COCH: variants seen among roughly 807,000 people sequenced by gnomAD.
COCH encodes coagulation factor C homolog, cochlin (Limulus polyphemus).
In COCH, 40 loss-of-function variants were observed where a neutral mutation model predicts 54.8. The ratio of observed to expected loss-of-function variants is 0.73; its 90% CI spans 0.57 to 0.95. COCH has a LOEUF of 0.95. COCH is among the 40% of genes least tolerant of loss of function. The pLI is 0.00. For missense variants in COCH, 605 were observed against 675.0 expected (o/e 0.90, Z 1.15); for synonymous variants, 256 against 237.9 (o/e 1.08, Z -0.70).
chr14:30,888,291 A>T (rs1895860919), intron 11 of COCH, among the ~76,000 whole-genome samples: 1 of 151,862 alleles, frequency 6.6e-6, no homozygotes, highest in Non-Finnish European at 1.5e-5. Context: ...AGGAGACTGG[A>T]ACAATTGGAC....
intron 6 of COCH, among the ~76,000 whole-genome samples, chr14:30,879,836 T>C (rs1301591565): frequency 1.3e-5 from 2 of 150,582 alleles, no homozygotes; most frequent in Non-Finnish European, 3.0e-5. Flanking sequence ...ATTTTTTTTA[T>C]TTTTATTTTT....
Position 30,877,850 on chromosome 14 carries a change from A to G in COCH, c.239+122A>G. 6.6e-7 allele frequency: 1 copy of G among 1,509,990 alleles called. No homozygotes were observed. Among genetic ancestry groups the G allele is most frequent in the South Asian group, 1.2e-5 (1 of 84,472 alleles). The allele number at this position is 1,509,990 out of a possible 1,614,324, so 93.5% of individuals were successfully genotyped here. On this transcript the variant is annotated intron_variant, in intron 4 of 11. Transcript: ENST00000396618. This position sits in a 1 kb window ranked among gnomAD's most constrained non-coding sequence, Gnocchi z 8.6. ...CTTTTGTTGCCATTGTGGCCACAGA[A>G]AATGGATATATTTTCACGGTTCTCC...
rs371554692 is a variant in COCH at position 30,890,381 on chromosome 14, A to G, written c.*590A>G. The G allele has an allele frequency of 2.0e-6, 2 of 985,312 alleles. No individual in the cohort carries two copies. The highest frequency in any genetic ancestry group is 2.4e-6 in the Non-Finnish European group (2 of 829,812). 61.0% of individuals were successfully genotyped at this position (985,312 alleles called of 1,614,324 possible). On this transcript the variant is annotated 3_prime_UTR_variant, in exon 12 of 12. Transcript: ENST00000396618. The stretch of plus-strand genomic sequence containing the variant: ...TTCATAACAACTTATGACTAAAAAT[A>G]TCACACTGAATAAGAGAGCAGGATT...
rs143098658 is a variant in COCH, at chr14:30,877,607, G to A, written c.118G>A (p.Asp40Asn). The change falls in exon 4 of 12, where the codon GAC becomes AAC. Residue 40 changes from aspartate (D) to asparagine (N), a missense_variant. Transcript: ENST00000396618. This position sits in a 1 kb window ranked among gnomAD's most constrained non-coding sequence, Gnocchi z 8.6. Reference sequence around the variant, plus strand: ...TATCACATGTTTTACCAGAGGCTTGGACATCAGGAAAGAGAAAGCAGATGT... The same window carrying A: ...TATCACATGTTTTACCAGAGGCTTGAACATCAGGAAAGAGAAAGCAGATGT... ...IAITCFTRGL[D>N]IRKEKADVLC... 1.8e-5 allele frequency: 29 copies of A among 1,614,050 alleles called. No individual in the cohort carries two copies. The Admixed American group carries it at 3.0e-4, about 17-fold the overall frequency.
rs949840686 is a variant in COCH, at chr14:30,877,506, G to T, written c.83-66G>T. 7 of 1,588,400 alleles carry T rather than the reference G, an allele frequency of 4.4e-6. No homozygotes were observed. The highest frequency in any genetic ancestry group is 4.0e-5 in the African/African-American group (3 of 74,514). On this transcript the variant is annotated intron_variant, in intron 3 of 11. Coordinates refer to ENST00000396618, the MANE Select transcript of COCH (RefSeq NM_004086.3). This position sits in a 1 kb window ranked among gnomAD's most constrained non-coding sequence, Gnocchi z 8.6. ...AGTAAAACTTAAATCTCACACTGTA[G>T]TCTCCCCACCACTATGCCCCAAGAA...
chr14:30,877,397 C>T lies in COCH; in HGVS notation c.83-175C>T. ...CTGGGGACTATATTAAATTGGAAAA[C>T]AACCTTGTGGCTTGCCAAAATCTGG... On this transcript the variant is annotated intron_variant, in intron 3 of 11. Coordinates refer to ENST00000396618, the MANE Select transcript of COCH (RefSeq NM_004086.3). This position sits in a 1 kb window ranked among gnomAD's most constrained non-coding sequence, Gnocchi z 8.6. 1 of 722,310 alleles carries T rather than the reference C, an allele frequency of 1.4e-6. No homozygotes were observed. Among genetic ancestry groups the T allele is most frequent in the South Asian group, 1.9e-5 (1 of 53,554 alleles). 44.7% of individuals were successfully genotyped at this position (722,310 alleles called of 1,614,324 possible).
downstream of COCH, among the ~76,000 whole-genome samples, chr14:30,891,906 C>T (rs550020247): frequency 3.3e-5 from 5 of 152,238 alleles, no homozygotes; most frequent in South Asian, 8.3e-4. Flanking sequence ...AAAGGAAATA[C>T]GTATTACAAT....
intron 11 of COCH, among the ~76,000 whole-genome samples, chr14:30,888,792 G>GA (rs34664716): frequency 0.25 from 32,164 of 126,452 alleles, 3,667 homozygotes; most frequent in Middle Eastern, 0.31. Context: ...CCCTGTCTGA[G>GA]AAAAAAAAAA....
In COCH at chr14:30,874,983, G is replaced by A. The variant is rs765175788; in HGVS notation, c.34+11G>A. 1.2e-6 allele frequency: 2 copies of A among 1,613,122 alleles called. No individual in the cohort carries two copies. Among genetic ancestry groups the A allele is most frequent in the East Asian group, 2.2e-5 (1 of 44,842 alleles). The stretch of plus-strand genomic sequence containing the variant: ...CGGCTCTCGGCCTCGGTGGGTGCGC[G>A]CCCCTCACGACCCCGGCCCCTTGCT... On this transcript the variant is annotated intron_variant, in intron 2 of 11. Coordinates refer to ENST00000396618, the MANE Select transcript of COCH (RefSeq NM_004086.3).
chr14:30,883,942 C>A (rs990847381), intron 8 of COCH, among the ~76,000 whole-genome samples: 3 of 152,112 alleles, frequency 2.0e-5, no homozygotes, highest in African/African-American at 7.2e-5. Flanking sequence ...AAAATGTTGA[C>A]GGTCACATCA....
At chr14:30,886,900 G>T (rs2268331) in intron 11 of COCH, among the ~76,000 whole-genome samples, 113,645 of 152,014 alleles carry the variant, frequency 0.75, 42,552 homozygotes, top group East Asian at 0.8. Context: ...AAATTTTTTT[G>T]GGGAGAGACG....
downstream of COCH, among the ~76,000 whole-genome samples, chr14:30,892,211 T>C (rs1895999009): frequency 6.6e-6 from 1 of 152,216 alleles, no homozygotes; most frequent in South Asian, 2.1e-4. Flanking sequence ...AAATGTTTAA[T>C]ACTGCAGAGA....
At chr14:30,895,328 A>G (rs976918935), downstream of COCH, 7 of 1,384,392 alleles carry the variant, frequency 5.1e-6, no homozygotes, top group South Asian at 1.5e-5. Flanking sequence ...ATGTAGTGTC[A>G]TATCAGTAAC....
In COCH at chr14:30,877,786, G is replaced by A. The variant is rs1895421296; in HGVS notation, c.239+58G>A. 3.7e-6 allele frequency: 6 copies of A among 1,609,778 alleles called. No homozygotes were observed. The highest frequency in any genetic ancestry group is 1.4e-5 in the African/African-American group (1 of 74,042). ...TGCAGACGTGATTATTTCCTTTCCT[G>A]CTTTACCCATCTGGATCCCTTTCCT... is the stretch of plus-strand genomic sequence containing the variant. On this transcript the variant is annotated intron_variant, in intron 4 of 11. Transcript: ENST00000396618. The surrounding 1 kb of genome is among the most constrained non-coding windows in gnomAD (Gnocchi z 8.6).
intron 11 of COCH, among the ~76,000 whole-genome samples, chr14:30,887,993 G>A (rs937841137): frequency 5.3e-5 from 8 of 152,126 alleles, no homozygotes; most frequent in Non-Finnish European, 1.2e-4. Context: ...ATATTGATTC[G>A]TGAAAATTAT....
intron 9 of COCH, 29 bp from the exon 10 acceptor site, chr14:30,885,365 C>A: frequency 6.5e-7 from 1 of 1,541,968 alleles, no homozygotes; most frequent in South Asian, 1.1e-5. Context: ...GTGGTAAAGG[C>A]TATTTGTTTG....
rs770530713 is a variant in COCH at position 30,885,991 on chromosome 14, A to G, written c.1156A>G (p.Met386Val). The G allele has an allele frequency of 1.2e-6, 2 of 1,614,196 alleles. No individual in the cohort carries two copies. The highest frequency in any genetic ancestry group is 8.5e-7 in the Non-Finnish European group (1 of 1,180,026). The change falls in exon 11 of 12, where the codon ATG becomes GTG. Residue 386 changes from methionine to valine, a missense_variant. By Grantham distance (21) the Met-to-Val change is conservative. Coordinates refer to ENST00000396618, the MANE Select transcript of COCH (RefSeq NM_004086.3). ...TGTTGGAGATAGCAATTTCCGCCTC[A>G]TGCTTGAATTTGTTTCCAACATAGC... The part of the protein sequence containing the change: ...SSVGDSNFRL[M>V]LEFVSNIAKT...
chr14:30,885,635 G>T lies in COCH; in HGVS notation c.960+15G>T, dbSNP rs767389910. 2.6e-6 allele frequency: 4 copies of T among 1,521,782 alleles called. No individual in the cohort carries two copies. The Admixed American group carries it at 5.0e-5, about 19-fold the overall frequency. The allele number at this position is 1,521,782 out of a possible 1,614,324, so 94.3% of individuals were successfully genotyped here. On this transcript the variant is annotated intron_variant, in intron 10 of 11. Transcript: ENST00000396618. Reference sequence around the variant, plus strand: ...TTGTTGACAAGGTAAAGTGGTGAGGGTTATCTTCTGTTACAGTGATGGGTA... The same window carrying T: ...TTGTTGACAAGGTAAAGTGGTGAGGTTTATCTTCTGTTACAGTGATGGGTA...
At chr14:30,876,255 T>C (rs1435462271) in intron 3 of COCH, 10 of 152,210 alleles carry the variant, frequency 6.6e-5, no homozygotes. Flanking sequence ...AATTAACATG[T>C]TGTATTATGT....
Sources: allele counts gnomAD v4.1 joint callset (sites outside exome capture counted in the v4.1 genomes callset), GRCh38; gene constraint gnomAD v4.1.1; non-coding constraint Gnocchi (gnomAD v3.1); transcripts MANE v1.5; gene names NCBI Gene and HGNC (gene_info 2026-07-23, HGNC 2026-07-21).